DLG2: variants seen among roughly 807,000 people sequenced by gnomAD.
DLG2 encodes disks large homolog 2.
DLG2 carries 45 observed loss-of-function variants against 132.5 expected under a neutral mutation model. The observed-to-expected ratio is 0.34, with a 90% CI of 0.27 to 0.44. DLG2 has a LOEUF of 0.44. Ranked by LOEUF, DLG2 falls within the 20% of genes least tolerant of loss-of-function variation. The pLI is 1.00. For missense variants in DLG2, 1,045 were observed against 1,196.9 expected (o/e 0.87, Z 1.87); for synonymous variants, 424 against 419.6 (o/e 1.01, Z -0.13).
At chr11:84,082,481 T>G (rs552694570) in intron 10 of DLG2, among the ~76,000 whole-genome samples, 3 of 152,204 alleles carry the variant, frequency 2.0e-5, no homozygotes, top group Non-Finnish European at 4.4e-5. Flanking sequence ...CACTATCTTT[T>G]TAGATGGGTT....
intron 11 of DLG2, among the ~76,000 whole-genome samples, chr11:84,055,857 A>C (rs1455297005): frequency 6.6e-6 from 1 of 152,070 alleles, no homozygotes; most frequent in African/African-American, 2.4e-5. Context: ...TTCTTTGTGA[A>C]TCTCTATTGT....
At chr11:83,933,639 G>T (rs951259664) in intron 14 of DLG2, among the ~76,000 whole-genome samples, 1 of 152,218 alleles carries the variant, frequency 6.6e-6, no homozygotes, top group Non-Finnish European at 1.5e-5. Flanking sequence ...ACTGGTGTAT[G>T]TTGGAGGGAG....
At chr11:85,443,651 C>T (rs2091886002) in intron 3 of DLG2, among the ~76,000 whole-genome samples, 1 of 152,144 alleles carries the variant, frequency 6.6e-6, no homozygotes, top group Non-Finnish European at 1.5e-5. Flanking sequence ...TAGAAAATCT[C>T]ATTGATGACA....
chr11:85,045,025 A>G (rs1410595092), intron 6 of DLG2, among the ~76,000 whole-genome samples: 1 of 152,014 alleles, frequency 6.6e-6, no homozygotes, highest in African/African-American at 2.4e-5. Flanking sequence ...GGAAAGTAGG[A>G]TGAATTATTT....
At chr11:85,258,850 C>G (rs2076795424) in intron 4 of DLG2, among the ~76,000 whole-genome samples, 1 of 152,180 alleles carries the variant, frequency 6.6e-6, no homozygotes, top group African/African-American at 2.4e-5. Flanking sequence ...GGAGATGGAA[C>G]TAACACTTAT....
At chr11:84,605,296 C>T (rs1051786762) in intron 6 of DLG2, among the ~76,000 whole-genome samples, 1 of 151,670 alleles carries the variant, frequency 6.6e-6, no homozygotes, top group East Asian at 1.9e-4. Flanking sequence ...AGAAGAATTG[C>T]CAAATACAAG....
chr11:85,487,954 C>G (rs758009999), intron 3 of DLG2, among the ~76,000 whole-genome samples: 1 of 152,240 alleles, frequency 6.6e-6, no homozygotes, highest in Admixed American at 6.5e-5. Context: ...TGGGAGGGAC[C>G]CAGTGGGAGA....
intron 6 of DLG2, among the ~76,000 whole-genome samples, chr11:84,972,776 T>A (rs910453111): frequency 1.3e-5 from 2 of 152,014 alleles, no homozygotes; most frequent in Non-Finnish European, 2.9e-5. Flanking sequence ...CTTTCCCTCA[T>A]GCCATCCCTC....
intron 20 of DLG2, among the ~76,000 whole-genome samples, chr11:83,538,018 A>G (rs1317426988): frequency 6.6e-6 from 1 of 152,098 alleles, no homozygotes; most frequent in Non-Finnish European, 1.5e-5. Context: ...AGGATTTCAG[A>G]TTTTGTGTTG....
intron 6 of DLG2, among the ~76,000 whole-genome samples, chr11:85,031,233 A>AGG (rs1226876900): frequency 6.6e-6 from 1 of 152,062 alleles, no homozygotes. Context: ...AGATAGTAAT[A>AGG]GTCCATTCTC....
intron 10 of DLG2, among the ~76,000 whole-genome samples, chr11:84,069,018 T>C (rs2096718422): frequency 6.6e-6 from 1 of 152,190 alleles, no homozygotes; most frequent in Non-Finnish European, 1.5e-5. Context: ...TGTAAACCAG[T>C]AGAGCCAAGC....
chr11:84,220,298 C>T (rs193270010), intron 8 of DLG2, among the ~76,000 whole-genome samples: 2 of 152,330 alleles, frequency 1.3e-5, no homozygotes, highest in African/African-American at 2.4e-5. Context: ...ATGTACTCCT[C>T]TCACAGAACC....
intron 6 of DLG2, among the ~76,000 whole-genome samples, chr11:84,826,661 G>T (rs2078362060): frequency 6.6e-6 from 1 of 151,676 alleles, no homozygotes; most frequent in African/African-American, 2.4e-5. Flanking sequence ...TAGAGACAGT[G>T]CTCTATTCAT....
intron 6 of DLG2, among the ~76,000 whole-genome samples, chr11:84,558,442 G>A (rs1411948205): frequency 6.6e-6 from 1 of 152,114 alleles, no homozygotes; most frequent in Non-Finnish European, 1.5e-5. Context: ...TCTTTGCAAT[G>A]TATGTCTCCT....
intron 3 of DLG2, among the ~76,000 whole-genome samples, chr11:85,422,277 T>C (rs1299127590): frequency 6.6e-6 from 1 of 152,220 alleles, no homozygotes; most frequent in Non-Finnish European, 1.5e-5. Flanking sequence ...CCTCTAAATA[T>C]GCTTTCCAAT....
At chr11:84,975,980 C>T (rs991249879) in intron 6 of DLG2, among the ~76,000 whole-genome samples, 1 of 152,150 alleles carries the variant, frequency 6.6e-6, no homozygotes, top group Admixed American at 6.6e-5. Context: ...TTCTTGGCAC[C>T]TTGCAAACTC....
At chr11:83,582,307 G>A (rs895070986) in intron 19 of DLG2, among the ~76,000 whole-genome samples, 1 of 152,116 alleles carries the variant, frequency 6.6e-6, no homozygotes, top group Non-Finnish European at 1.5e-5. Flanking sequence ...CCTGGTAATA[G>A]TGCTTTGGTT....
chr11:84,014,988 C>T (rs2095098041), intron 11 of DLG2, among the ~76,000 whole-genome samples: 1 of 151,676 alleles, frequency 6.6e-6, no homozygotes, highest in South Asian at 2.1e-4. Flanking sequence ...GGTGTAGATA[C>T]TCATTAATTT....
At chr11:85,477,932 GA>G (rs1221375218) in intron 3 of DLG2, among the ~76,000 whole-genome samples, 2 of 152,042 alleles carry the variant, frequency 1.3e-5, no homozygotes, top group Admixed American at 1.3e-4. Flanking sequence ...CACACATTAA[GA>G]CAGGTAGAAA....
Sources: allele counts gnomAD v4.1 joint callset (sites outside exome capture counted in the v4.1 genomes callset), GRCh38; gene constraint gnomAD v4.1.1; transcripts MANE v1.5; gene names NCBI Gene and HGNC (gene_info 2026-07-23, HGNC 2026-07-21).